Variants in CHTF18 observed in about 807,000 individuals in gnomAD.
The protein encoded by CHTF18 is chromosome transmission fidelity protein 18 homolog.
Under a neutral mutation model 113.4 loss-of-function variants are expected in CHTF18, and 151 were observed. The observed-to-expected ratio is 1.33, with a 90% CI of 1.17 to 1.52. CHTF18 has a LOEUF of 1.52. Ranked by LOEUF, CHTF18 falls within the 40% of genes most tolerant of loss-of-function variation. The pLI, the probability that CHTF18 is intolerant of heterozygous loss-of-function variation, is 0.00. For synonymous variants in CHTF18, 916 were observed against 598.8 expected (o/e 1.53, Z -7.74); for missense variants, 1,982 against 1,381.6 (o/e 1.43, Z -6.89).
chr16:795,111 G>T, intron 15 of CHTF18, 21 bp from the exon 16 acceptor site: 1 of 1,530,476 alleles, frequency 6.5e-7, no homozygotes. Context: ...CAGGAGCTCA[G>T]GGGTTGCCGG....
chr16:790,069 C>T (rs748824294), intron 4 of CHTF18, 108 bp from the exon 5 acceptor site: 8 of 1,537,240 alleles, frequency 5.2e-6, no homozygotes, highest in Admixed American at 2.0e-5. Context: ...CCCTCACTGG[C>T]CAGCTTACTG....
chr16:791,966 C>A lies in CHTF18; in HGVS notation c.1202+18C>A, dbSNP rs742319. Reference sequence around the variant, plus strand: ...AACGCCAGGTGAGTGATGTGAGGTCCGTCTCTGGCTCGCCTTCTGTCCTGA... The same window carrying A: ...AACGCCAGGTGAGTGATGTGAGGTCAGTCTCTGGCTCGCCTTCTGTCCTGA... On this transcript the variant is annotated intron_variant, in intron 9 of 21. Coordinates refer to ENST00000262315, the MANE Select transcript of CHTF18 (RefSeq NM_022092.3). 2 of 1,596,684 alleles carry A rather than the reference C, an allele frequency of 1.3e-6. No homozygotes were observed. Among genetic ancestry groups the A allele is most frequent in the East Asian group, 2.3e-5 (1 of 44,102 alleles).
In CHTF18 at chr16:795,302, G is replaced by A. The variant is rs777783973; in HGVS notation, c.2121G>A (p.Val707=). 11 of 1,548,728 alleles carry A rather than the reference G, an allele frequency of 7.1e-6. No individual in the cohort carries two copies. The highest frequency in any genetic ancestry group is 1.2e-5 in the South Asian group (1 of 83,982). ...CCTTCCTGCCCGTGGCCTTCCATGT[G>A]CTGTTTGCTTCCAGCCACACACCCA... ...YPPFLPVAFH[V]LFASSHTPRI... is the part of the protein sequence containing the mutation. The change falls in exon 16 of 22, where the codon GTG becomes GTA. Residue 707 remains valine, a synonymous_variant. Transcript: ENST00000262315.
In CHTF18 at chr16:796,594, C is replaced by G; in HGVS notation, c.2457-123C>G. ...GGGTTGGGGTGCGGTGGCACCAGGA[C>G]TCAGCCCCACATTCCTGCTCTGGCC... is the stretch of plus-strand genomic sequence containing the variant. On this transcript the variant is annotated intron_variant, in intron 18 of 21. Transcript: ENST00000262315. 2.5e-6 allele frequency: 3 copies of G among 1,212,216 alleles called. No homozygotes were observed. In the South Asian group the frequency reaches 4.9e-5, roughly 20 times the overall value. The allele number at this position is 1,212,216 out of a possible 1,614,324, so 75.1% of individuals were successfully genotyped here.
chr16:789,532 C>A lies in CHTF18; in HGVS notation c.438-15C>A, dbSNP rs776470297. On this transcript the variant is annotated splice_polypyrimidine_tract_variant and intron_variant, in intron 3 of 21. Coordinates refer to ENST00000262315, the MANE Select transcript of CHTF18 (RefSeq NM_022092.3). ...ACGCTTGAGTTTCTGCCACTGAGCCCCGGTCTCTCTCCAGAGTCTCAGAAG... is the reference window on the plus strand; with the variant it reads ...ACGCTTGAGTTTCTGCCACTGAGCCACGGTCTCTCTCCAGAGTCTCAGAAG... 2.5e-6 allele frequency: 4 copies of A among 1,584,960 alleles called. No individual in the cohort carries two copies. In the African/African-American group the frequency reaches 5.4e-5, roughly 21 times the overall value.
At position 794,086 on chromosome 16, in the gene CHTF18, C is replaced by T. The variant is rs753806977; in HGVS notation, c.1835C>T (p.Ala612Val). Reference sequence around the variant, plus strand: ...GTGGGCCAGGACCCCGCCCTGCCTGCTGACACACTCCTGCTGGGTGACGGG... The same window carrying T: ...GTGGGCCAGGACCCCGCCCTGCCTGTTGACACACTCCTGCTGGGTGACGGG... ...RRVGQDPALP[A>V]DTLLLGDGDA... The change falls in exon 15 of 22, where the codon GCT (alanine) becomes GTT (valine). Residue 612 changes from alanine (A) to valine (V), a missense_variant. By Grantham distance (64) the Ala-to-Val change is moderately conservative. Coordinates refer to ENST00000262315, the MANE Select transcript of CHTF18 (RefSeq NM_022092.3). 60 of 1,612,166 alleles carry T rather than the reference C, an allele frequency of 3.7e-5. No homozygotes were observed. The highest frequency in any genetic ancestry group is 4.2e-5 in the Non-Finnish European group (50 of 1,179,748).
intron 6 of CHTF18, 58 bp from the exon 7 acceptor site, chr16:790,467 G>A (rs893540531): frequency 2.9e-5 from 46 of 1,609,364 alleles, no homozygotes; most frequent in Non-Finnish European, 3.7e-5. Flanking sequence ...AGCTCCTAGC[G>A]TGTGGGTTGG....
chr16:796,862 G>C lies in CHTF18; in HGVS notation c.2601+1G>C. Reference sequence around the variant, plus strand: ...TGCCCGGGTAGAGAACAGCCCCCAGGTGAGCCCACCCAGGCTCTGGAGCAG... The same window carrying C: ...TGCCCGGGTAGAGAACAGCCCCCAGCTGAGCCCACCCAGGCTCTGGAGCAG... On this transcript the variant is annotated splice_donor_variant, in intron 19 of 21. Transcript: ENST00000262315. LOFTEE classifies it high-confidence loss of function. The C allele has an allele frequency of 3.1e-6, 5 of 1,593,836 alleles. No homozygotes were observed. The highest frequency in any genetic ancestry group is 4.3e-6 in the Non-Finnish European group (5 of 1,169,378).
At position 796,868 on chromosome 16, in the gene CHTF18, CCA is replaced by C; in HGVS notation, c.2601+9_2601+10del. 2 of 1,586,884 alleles carry C rather than the reference CCA, an allele frequency of 1.3e-6. No individual in the cohort carries two copies. Among genetic ancestry groups the C allele is most frequent in the Non-Finnish European group, 1.7e-6 (2 of 1,165,212 alleles). On this transcript the variant is annotated splice_region_variant and intron_variant, in intron 19 of 21. Coordinates refer to ENST00000262315, the MANE Select transcript of CHTF18 (RefSeq NM_022092.3). Reference sequence around the variant, plus strand: ...GGTAGAGAACAGCCCCCAGGTGAGCCCACCCAGGCTCTGGAGCAGGTTGCAGT... The same window carrying C: ...GGTAGAGAACAGCCCCCAGGTGAGCCCCCAGGCTCTGGAGCAGGTTGCAGT...
intron 15 of CHTF18, chr16:794,779 C>T (rs2042292581): frequency 3.3e-6 from 1 of 303,434 alleles, no homozygotes. Flanking sequence ...GTGGGCGGAA[C>T]TTCCTCAGGC....
rs1318727147 is a variant in CHTF18, at chr16:792,499, C to T, written c.1387C>T (p.Gln463Ter). 1.3e-6 allele frequency: 2 copies of T among 1,593,392 alleles called. No homozygotes were observed. Among genetic ancestry groups the T allele is most frequent in the African/African-American group, 1.3e-5 (1 of 74,384 alleles). Residue 463 changes from glutamine (Q) to a stop codon, truncating the protein, a stop_gained, in exon 11 of 22, where the codon CAG (glutamine) becomes TAG (stop). Coordinates refer to ENST00000262315, the MANE Select transcript of CHTF18 (RefSeq NM_022092.3). LOFTEE classifies it high-confidence loss of function. ...CAAGGGGCCACAGGAGGTGGGGCCA[C>T]AGGGCCCGGCTGTGCCTTCGGGAGG... Reference protein sequence around the residue: ...NRKGPQEVGPQGPAVPSGGGR... With the variant: ...NRKGPQEVGP
intron 7 of CHTF18, chr16:790,892 A>C: frequency 7.0e-7 from 1 of 1,432,070 alleles, no homozygotes; most frequent in Non-Finnish European, 9.1e-7. Flanking sequence ...ACCTGATCCA[A>C]GTCTCTGTTC....
rs370733302 is a variant in CHTF18, at chr16:790,327, C to T, written c.700-20C>T. 1.2e-6 allele frequency: 2 copies of T among 1,612,286 alleles called. No individual in the cohort carries two copies. On this transcript the variant is annotated intron_variant, in intron 5 of 21. Transcript: ENST00000262315. ...CGGGGCCGCCTGAGCCCTCCTGATTCCAGCCTGTTGTTTGCACAGCGGCGG... is the reference window on the plus strand; with the variant it reads ...CGGGGCCGCCTGAGCCCTCCTGATTTCAGCCTGTTGTTTGCACAGCGGCGG...
rs780482400 is a variant in CHTF18, at chr16:789,264, C to T, written c.341C>T (p.Ser114Leu). The T allele has an allele frequency of 1.1e-5, 17 of 1,565,252 alleles. No homozygotes were observed. The highest frequency in any genetic ancestry group is 2.4e-5 in the East Asian group (1 of 41,822). Residue 114 changes from serine to leucine, a missense_variant, in exon 3 of 22, where the codon TCG becomes TTG. Physicochemically the swap from Ser to Leu is moderately radical, Grantham distance 145. Transcript: ENST00000262315. Reference protein sequence around the residue: ...LQVVKRLNFRSEEMEEPPPPD... With the variant: ...LQVVKRLNFRLEEMEEPPPPD... ...GTGGTCAAGAGGCTGAACTTCAGAT[C>T]GGAGGAGATGGAGGAGCCGCCCCCT... is the stretch of plus-strand genomic sequence containing the variant.
intron 7 of CHTF18, chr16:790,951 C>T (rs552523327): frequency 2.1e-6 from 3 of 1,435,318 alleles, no homozygotes; most frequent in African/African-American, 2.9e-5. Flanking sequence ...CTGGGGAGGG[C>T]AGGGGCCTCC....
intron 18 of CHTF18, 79 bp downstream of exon 18, chr16:796,156 C>T: frequency 6.6e-7 from 1 of 1,523,654 alleles, no homozygotes; most frequent in Non-Finnish European, 8.8e-7. Flanking sequence ...CGCATGGGGC[C>T]AGGAGTCTGA....
rs2042340677 is a variant in CHTF18, at chr16:796,144, C to T, written c.2456+67C>T. 6 of 1,543,496 alleles carry T rather than the reference C, an allele frequency of 3.9e-6. No homozygotes were observed. The Admixed American group carries it at 7.7e-5, about 20-fold the overall frequency. ...CCCCGGCTGTGCTCCATGTTCAGGG[C>T]CCGCATGGGGCCAGGAGTCTGAAAG... On this transcript the variant is annotated intron_variant, in intron 18 of 21. Coordinates refer to ENST00000262315, the MANE Select transcript of CHTF18 (RefSeq NM_022092.3).
Position 788,948 on chromosome 16 carries a change from C to T in CHTF18, c.109C>T (p.Pro37Ser), listed in dbSNP as rs752900053. The T allele has an allele frequency of 1.1e-5, 17 of 1,561,348 alleles. No individual in the cohort carries two copies. The highest frequency in any genetic ancestry group is 5.5e-5 in the Admixed American group (3 of 54,722). Residue 37 changes from proline to serine, a missense_variant, in exon 2 of 22, where the codon CCC (proline) becomes TCC (serine). Transcript: ENST00000262315. ...AELEGASTPS[P>S]SGVPLFTAGR... is the part of the protein sequence containing the mutation. ...CCCAGCAGGGGCGTCGACTCCGTCG[C>T]CCTCCGGGGTCCCCCTGTTCACCGC...
At chr16:790,897 C>G (rs2042179069) in intron 7 of CHTF18, 7 of 1,432,944 alleles carry the variant, frequency 4.9e-6, no homozygotes, top group South Asian at 1.5e-5. Context: ...ATCCAAGTCT[C>G]TGTTCCCTTT....
Sources: allele counts gnomAD v4.1 joint callset, GRCh38; gene constraint gnomAD v4.1.1; transcripts MANE v1.5; gene names NCBI Gene and HGNC (gene_info 2026-07-23, HGNC 2026-07-21).